Variants in DLGAP2 observed in about 807,000 individuals in gnomAD.
DLGAP2 encodes disks large-associated protein 2.
In DLGAP2, 26 loss-of-function variants were observed where a neutral mutation model predicts 100.3. The ratio of observed to expected loss-of-function variants is 0.26; its 90% CI spans 0.19 to 0.36. The LOEUF is 0.36. DLGAP2 is among the 10% of genes least tolerant of loss of function. DLGAP2 has a pLI of 1.00. For synonymous variants in DLGAP2, 886 were observed against 630.1 expected (o/e 1.41, Z -6.08); for missense variants, 1,858 against 1,453.2 (o/e 1.28, Z -4.53).
rs375426065 is a variant in DLGAP2, at chr8:1,676,567, G to A, written c.2237G>A (p.Arg746His). The change falls in exon 11 of 15, where the codon CGC becomes CAC. Residue 746 changes from arginine to histidine, a missense_variant. Transcript: ENST00000637795. ...ETATDSDTESRGLREYHSVGV... is the reference protein window; with the variant it reads ...ETATDSDTESHGLREYHSVGV... ...GCCACAGATTCTGACACGGAGAGCC[G>A]CGGTCTGCGGGAATACCACTCTGTC... is the stretch of plus-strand genomic sequence containing the variant. 43 of 1,613,474 alleles carry A rather than the reference G, an allele frequency of 2.7e-5. No individual in the cohort carries two copies. In the East Asian group the frequency reaches 7.1e-4, roughly 27 times the overall value.
At position 1,500,961 on chromosome 8, in the gene DLGAP2, A is replaced by T. The variant is rs549730874; in HGVS notation, c.107-405A>T. On this transcript the variant is annotated intron_variant, in intron 3 of 14. Coordinates refer to ENST00000637795, the MANE Select transcript of DLGAP2 (RefSeq NM_001346810.2). The stretch of plus-strand genomic sequence containing the variant: ...CTAGACCGGAAGGAAAGTCTTTCTC[A>T]TGGGCGATGCAGGGCCCTCATGGGA... 7.2e-5 allele frequency among the ~76,000 whole-genome samples: 11 copies of T among 152,310 alleles called. No individual in the cohort carries two copies. The South Asian group carries it at 2.3e-3, about 32-fold the overall frequency.
chr8:851,375 T>C (rs2128987711), intron 1 of DLGAP2, among the ~76,000 whole-genome samples: 1 of 152,336 alleles, frequency 6.6e-6, no homozygotes, highest in South Asian at 2.1e-4. Context: ...TGTTTTCTTA[T>C]CACGTCAGTG....
intron 1 of DLGAP2, among the ~76,000 whole-genome samples, chr8:804,194 A>T (rs958448701): frequency 5.9e-5 from 9 of 152,220 alleles, no homozygotes; most frequent in African/African-American, 9.7e-5. Flanking sequence ...ATAGATTATT[A>T]TGCTCCCTGG....
intron 2 of DLGAP2, among the ~76,000 whole-genome samples, chr8:1,100,617 G>T (rs1051970329): frequency 2.6e-5 from 4 of 152,176 alleles, no homozygotes; most frequent in Non-Finnish European, 5.9e-5. Flanking sequence ...AGAAAATGAA[G>T]GTAGGTCACA....
chr8:748,528 T>C (rs941358663), intron 1 of DLGAP2, among the ~76,000 whole-genome samples: 13 of 151,990 alleles, frequency 8.6e-5, no homozygotes, highest in Non-Finnish European at 1.5e-4. Context: ...ATTTGTTTTC[T>C]CCCAGAAAAG....
chr8:1,549,055 C>A lies in DLGAP2; in HGVS notation c.602C>A (p.Pro201Gln). The change falls in exon 5 of 15, where the codon CCG (proline) becomes CAG (glutamine). Residue 201 changes from proline to glutamine, a missense_variant. Transcript: ENST00000637795. ...CTGGACCAGTTCGAGAAGCAGCTGC[C>A]GCTGCACCGGGACGGCTTCCACACG... ...NLLDQFEKQL[P>Q]LHRDGFHTLQ... 1.3e-6 allele frequency: 2 copies of A among 1,591,956 alleles called. No individual in the cohort carries two copies. The highest frequency in any genetic ancestry group is 2.3e-5 in the East Asian group (1 of 44,060).
intron 3 of DLGAP2, among the ~76,000 whole-genome samples, chr8:1,339,638 C>T (rs768403792): frequency 6.6e-6 from 1 of 152,206 alleles, no homozygotes. Flanking sequence ...TGGGTTATCT[C>T]ATGTAATCCT....
intron 2 of DLGAP2, among the ~76,000 whole-genome samples, chr8:1,025,779 G>C (rs1285427185): frequency 6.6e-6 from 1 of 152,242 alleles, no homozygotes; most frequent in Admixed American, 6.5e-5. Flanking sequence ...GGGGTTCTGA[G>C]AGACACGGTC....
intron 1 of DLGAP2, among the ~76,000 whole-genome samples, chr8:869,105 T>A (rs183031548): frequency 1.3e-5 from 2 of 152,236 alleles, no homozygotes; most frequent in African/African-American, 4.8e-5. Context: ...CTTCCTCTCC[T>A]CCTCGAGACC....
intron 2 of DLGAP2, among the ~76,000 whole-genome samples, chr8:1,163,961 G>A (rs960658785): frequency 1.3e-5 from 2 of 152,210 alleles, no homozygotes; most frequent in Admixed American, 1.3e-4. Flanking sequence ...CCGCCTGCCA[G>A]GCCTCCTAGA....
intron 4 of DLGAP2, among the ~76,000 whole-genome samples, chr8:1,522,094 C>G (rs1800623970): frequency 6.6e-6 from 1 of 151,826 alleles, no homozygotes; most frequent in Admixed American, 6.6e-5. Flanking sequence ...TGGGGTGTCT[C>G]TGGTTTGCAC....
At chr8:903,156 C>T (rs997708480) in intron 1 of DLGAP2, among the ~76,000 whole-genome samples, 2 of 151,964 alleles carry the variant, frequency 1.3e-5, no homozygotes, top group Admixed American at 6.6e-5. Context: ...TCTTTAATCT[C>T]GTTAATGTCA....
chr8:765,280 G>A (rs1821182508), intron 1 of DLGAP2, among the ~76,000 whole-genome samples: 1 of 152,178 alleles, frequency 6.6e-6, no homozygotes, highest in Admixed American at 6.5e-5. Flanking sequence ...GGGGTAAAAT[G>A]ATCTGATAAT....
intron 8 of DLGAP2, among the ~76,000 whole-genome samples, chr8:1,645,145 A>G (rs79764980): frequency 0.087 from 13,179 of 152,332 alleles, 863 homozygotes; most frequent in African/African-American, 0.18. Flanking sequence ...TGAATGAATG[A>G]ATGAAACAGA....
At chr8:938,967 T>C (rs1799134613) in intron 2 of DLGAP2, among the ~76,000 whole-genome samples, 1 of 152,220 alleles carries the variant, frequency 6.6e-6, no homozygotes, top group Non-Finnish European at 1.5e-5. Context: ...GGCTGAGCCT[T>C]TCTGTTCAGA....
intron 8 of DLGAP2, among the ~76,000 whole-genome samples, chr8:1,657,650 A>G (rs970127359): frequency 2.0e-5 from 3 of 152,264 alleles, no homozygotes; most frequent in African/African-American, 7.2e-5. Flanking sequence ...ATGTTTGTCA[A>G]AAGAATGGAT....
chr8:1,072,232 A>G (rs1264772895), intron 2 of DLGAP2, among the ~76,000 whole-genome samples: 1 of 152,130 alleles, frequency 6.6e-6, no homozygotes, highest in African/African-American at 2.4e-5. Flanking sequence ...CTCCTGATTG[A>G]TGGTGTTCAG....
intron 3 of DLGAP2, among the ~76,000 whole-genome samples, chr8:1,279,180 A>C (rs1455491117): frequency 2.6e-5 from 4 of 152,202 alleles, no homozygotes; most frequent in African/African-American, 9.6e-5. Context: ...GATAATTTTA[A>C]GTTAGGAAGT....
intron 6 of DLGAP2, among the ~76,000 whole-genome samples, chr8:1,572,007 G>A (rs1219352856): frequency 8.4e-5 from 12 of 143,020 alleles, no homozygotes; most frequent in Non-Finnish European, 1.7e-4. Flanking sequence ...TGAACTGTGG[G>A]GGCGTCTGAT....
Sources: allele counts gnomAD v4.1 joint callset (sites outside exome capture counted in the v4.1 genomes callset), GRCh38; gene constraint gnomAD v4.1.1; transcripts MANE v1.5; gene names NCBI Gene and HGNC (gene_info 2026-07-23, HGNC 2026-07-21).